EIF4G3: variants seen among roughly 807,000 people sequenced by gnomAD.
The protein encoded by EIF4G3 is eIF-4-gamma 3.
In EIF4G3, 34 loss-of-function variants were observed where a neutral mutation model predicts 186.4. The ratio of observed to expected loss-of-function variants is 0.18; its 90% confidence interval spans 0.14 to 0.24. The LOEUF (loss-of-function observed/expected upper bound fraction) is 0.24. Among genes scored for constraint, EIF4G3 ranks in the 10% least tolerant of loss-of-function variants. The pLI, the probability that EIF4G3 is intolerant of heterozygous loss-of-function variation, is 1.00. For missense variants in EIF4G3, 1,536 were observed against 1,948.5 expected, an observed-to-expected ratio of 0.79 and a Z score of 3.99; for synonymous variants, 673 against 679.5, an observed-to-expected ratio of 0.99 and a Z score of 0.15.
At chr1:21,142,800 T>C (rs1350575548) in intron 2 of EIF4G3, among the ~76,000 whole-genome samples, 1 of 152,122 alleles carries the variant, frequency 6.6e-6, no homozygotes, top group Non-Finnish European at 1.5e-5. Context: ...GCATGGTTCA[T>C]AATATAAGAA....
intron 7 of EIF4G3, among the ~76,000 whole-genome samples, chr1:20,990,351 G>A (rs1480181108): frequency 6.6e-6 from 1 of 152,074 alleles, no homozygotes; most frequent in Non-Finnish European, 1.5e-5. Flanking sequence ...TGAAGACTGA[G>A]AAAATCATTA....
intron 2 of EIF4G3, among the ~76,000 whole-genome samples, chr1:21,119,527 A>ATG (rs2096889681): frequency 6.6e-6 from 1 of 152,182 alleles, no homozygotes; most frequent in African/African-American, 2.4e-5. Context: ...GTGAAAGAAA[A>ATG]TGGTATTTCA....
chr1:21,105,823 A>G (rs549673333), intron 2 of EIF4G3, among the ~76,000 whole-genome samples: 25 of 152,206 alleles, frequency 1.6e-4, no homozygotes, highest in African/African-American at 6.0e-4. Flanking sequence ...AGCACTTTGG[A>G]AGGCCAATGT....
chr1:20,928,402 A>T (rs1011749657), intron 14 of EIF4G3, among the ~76,000 whole-genome samples: 1 of 152,038 alleles, frequency 6.6e-6, no homozygotes, highest in South Asian at 2.1e-4. Flanking sequence ...CCACCATATC[A>T]TACTCATTTT....
chr1:21,088,901 G>A (rs925612645), intron 3 of EIF4G3, among the ~76,000 whole-genome samples: 3 of 151,792 alleles, frequency 2.0e-5, no homozygotes, highest in African/African-American at 4.8e-5. Context: ...AAGGCCAGAG[G>A]TGAATATTTA....
At chr1:21,038,792 G>GGT (rs1338576379) in intron 4 of EIF4G3, among the ~76,000 whole-genome samples, 1 of 149,058 alleles carries the variant, frequency 6.7e-6, no homozygotes, top group Non-Finnish European at 1.5e-5. Context: ...TCTTTATTAA[G>GGT]GTGAATACTA....
At chr1:20,816,951 C>T (rs1281418768) in intron 34 of EIF4G3, among the ~76,000 whole-genome samples, 2 of 144,360 alleles carry the variant, frequency 1.4e-5, no homozygotes, top group African/African-American at 5.2e-5. Flanking sequence ...AACCCCAACC[C>T]TGTGCTCTCT....
In EIF4G3 at chr1:20,941,809, G is replaced by T. The variant is rs1048777090; in HGVS notation, c.1345C>A (p.Pro449Thr). 1 of 1,613,694 alleles carries T rather than the reference G, an allele frequency of 6.2e-7. No individual in the cohort carries two copies. The highest frequency in any genetic ancestry group is 1.3e-5 in the African/African-American group (1 of 74,880). Residue 449 changes from proline (P) to threonine (T), a missense_variant, in exon 14 of 37, where the codon CCC becomes ACC. Physicochemically the swap from Pro to Thr is conservative, Grantham distance 38. Coordinates refer to ENST00000602326, the MANE Select transcript of EIF4G3 (RefSeq NM_001391906.1). ...LTLELEILEN[P>T]PEEMKLECIP... ...CACTCCAGTTTCATTTCTTCTGGGG[G>T]ATTTTCGAGAATCTCCAATTCAAGA... is the stretch of plus-strand genomic sequence containing the variant.
intron 2 of EIF4G3, among the ~76,000 whole-genome samples, chr1:21,112,074 C>T (rs1359552258): frequency 2.0e-5 from 3 of 152,198 alleles, no homozygotes; most frequent in African/African-American, 7.2e-5. Flanking sequence ...ATTAGCAAGA[C>T]TCTTCTCCAA....
At position 20,981,500 on chromosome 1, in the gene EIF4G3, ACGCACATAC is replaced by A. The variant is rs1411316434; in HGVS notation, c.199-282_199-274del. On this transcript the variant is annotated intron_variant, in intron 8 of 36. Transcript: ENST00000602326. ...TGTATATATGCATACATACATGTAT[ACGCACATAC>A]TGTATATATACATACATACATGTAT... 1.6e-4 allele frequency among the ~76,000 whole-genome samples: 13 copies of A among 79,790 alleles called. 1 individual carries two copies. Among genetic ancestry groups the A allele is most frequent in the African/African-American group, 4.6e-4 (13 of 28,104 alleles). 52.3% of individuals were successfully genotyped at this position (79,790 alleles called of 152,430 possible).
At chr1:21,110,698 T>C (rs530207979) in intron 2 of EIF4G3, among the ~76,000 whole-genome samples, 12 of 151,740 alleles carry the variant, frequency 7.9e-5, no homozygotes, top group South Asian at 4.2e-4. Flanking sequence ...CCCAAAGTGC[T>C]TGGGATTACA....
At chr1:21,100,289 G>A (rs2096487095) in intron 2 of EIF4G3, among the ~76,000 whole-genome samples, 1 of 152,088 alleles carries the variant, frequency 6.6e-6, no homozygotes, top group Admixed American at 6.6e-5. Flanking sequence ...TGTGGTGATG[G>A]ATGCACAACT....
intron 3 of EIF4G3, chr1:21,073,590 G>C (rs960774656): frequency 1.6e-5 from 8 of 485,010 alleles, no homozygotes; most frequent in Admixed American, 1.3e-4. Flanking sequence ...AGGAACTGTA[G>C]GCCTCACAGC....
chr1:20,977,268 C>A (rs2077050629), intron 10 of EIF4G3, among the ~76,000 whole-genome samples: 1 of 151,958 alleles, frequency 6.6e-6, no homozygotes, highest in Non-Finnish European at 1.5e-5. Context: ...CCCACTGCAA[C>A]CTCCGCCTCC....
intron 30 of EIF4G3, among the ~76,000 whole-genome samples, chr1:20,833,331 C>A (rs1456718597): frequency 6.6e-6 from 1 of 152,094 alleles, no homozygotes; most frequent in African/African-American, 2.4e-5. Context: ...CTTCAAGTCC[C>A]TTGTAAGTTG....
At chr1:20,959,655 CAATAATAATAATAAT>C (rs61144464) in intron 12 of EIF4G3, among the ~76,000 whole-genome samples, 55 of 142,518 alleles carry the variant, frequency 3.9e-4, no homozygotes, top group Admixed American at 8.5e-4. Context: ...AACAAATCAG[CAATAATAATAATAAT>C]AATAATAATA....
At chr1:20,884,572 A>G (rs2083480642) in intron 19 of EIF4G3, among the ~76,000 whole-genome samples, 2 of 152,174 alleles carry the variant, frequency 1.3e-5, no homozygotes, top group South Asian at 4.1e-4. Context: ...GGAGAGAAGG[A>G]CAAAAAAGAC....
chr1:20,932,458 C>T (rs2095354365), intron 14 of EIF4G3, among the ~76,000 whole-genome samples: 2 of 152,108 alleles, frequency 1.3e-5, no homozygotes, highest in African/African-American at 2.4e-5. Context: ...TCTCAGCTTT[C>T]GATACATATT....
At chr1:20,962,578 T>G (rs1186659087) in intron 12 of EIF4G3, among the ~76,000 whole-genome samples, 1 of 152,218 alleles carries the variant, frequency 6.6e-6, no homozygotes, top group African/African-American at 2.4e-5. Context: ...GTTAGCACTT[T>G]TCTCTGCCTC....
Sources: gnomAD v4.1 joint callset for allele counts (sites outside exome capture counted in the v4.1 genomes callset) on GRCh38, gnomAD v4.1.1 for gene constraint, MANE v1.5 for transcripts, NCBI Gene and HGNC (gene_info 2026-07-23, HGNC 2026-07-21) for gene names.